Variants in ADGRV1 observed in about 807,000 individuals in gnomAD.
The protein encoded by ADGRV1 is G-protein coupled receptor 98.
ADGRV1 carries 359 observed loss-of-function variants against 596.2 expected under a neutral mutation model. The observed-to-expected ratio is 0.60, with a 90% CI of 0.55 to 0.66. The LOEUF is 0.66. ADGRV1 is among the 30% of genes least tolerant of loss of function. The probability of loss-of-function intolerance (pLI) is 0.00; values close to 1 mark genes in which losing one functional copy is unlikely to be tolerated. For missense variants in ADGRV1, 7,274 were observed against 7,575.6 expected (o/e 0.96, Z 1.48); for synonymous variants, 2,681 against 2,679.2 (o/e 1.00, Z -0.02).
At chr5:90,603,524 C>T (rs897954458) in intron 1 of ADGRV1, among the ~76,000 whole-genome samples, 2 of 152,118 alleles carry the variant, frequency 1.3e-5, no homozygotes, top group African/African-American at 4.8e-5. Flanking sequence ...GGATTCCCTC[C>T]CCTGGGCCTC....
At chr5:90,896,356 A>C (rs1771322379) in intron 83 of ADGRV1, among the ~76,000 whole-genome samples, 1 of 132,904 alleles carries the variant, frequency 7.5e-6, no homozygotes, top group African/African-American at 2.8e-5. Context: ...CTGTGGCCTC[A>C]ACCTCCCGGC....
chr5:90,791,572 C>T (rs2150136906), intron 70 of ADGRV1: 1 of 515,714 alleles, frequency 1.9e-6, no homozygotes, highest in Non-Finnish European at 3.4e-6. Flanking sequence ...AAGTAACAGA[C>T]ACTTATTTAA....
chr5:90,671,628 A>G (rs1438529229), intron 21 of ADGRV1, among the ~76,000 whole-genome samples: 1 of 152,236 alleles, frequency 6.6e-6, no homozygotes. Context: ...AAATGGCTCT[A>G]TCTTATCCTG....
At chr5:91,024,551 G>A (rs538676055) in intron 85 of ADGRV1, among the ~76,000 whole-genome samples, 201 of 152,142 alleles carry the variant, frequency 1.3e-3, no homozygotes, top group African/African-American at 4.8e-3. Context: ...TACACAAAAT[G>A]ATTTAAAAAT....
intron 82 of ADGRV1, among the ~76,000 whole-genome samples, chr5:90,861,876 G>A (rs1767613297): frequency 6.6e-6 from 1 of 152,104 alleles, no homozygotes; most frequent in African/African-American, 2.4e-5. Context: ...CAAGCCAGAT[G>A]AGTTTCCCTA....
At chr5:91,051,572 A>G (rs1168745981) in intron 85 of ADGRV1, among the ~76,000 whole-genome samples, 6 of 119,006 alleles carry the variant, frequency 5.0e-5, no homozygotes, top group East Asian at 5.2e-4. Context: ...TTTGAGGAAG[A>G]GTCTCACTCT....
At chr5:90,770,815 G>A (rs551830176) in intron 59 of ADGRV1, among the ~76,000 whole-genome samples, 12 of 152,070 alleles carry the variant, frequency 7.9e-5, no homozygotes, top group Non-Finnish European at 1.5e-4. Flanking sequence ...AGAGGTAACC[G>A]CTATTGACAG....
Position 90,703,917 on chromosome 5 carries a change from C to A in ADGRV1, c.8286+122C>A. On this transcript the variant is annotated intron_variant, in intron 35 of 89. Coordinates refer to ENST00000405460, the MANE Select transcript of ADGRV1 (RefSeq NM_032119.4). ...CTTTCTCTCTTCTCCAGACCTACTT[C>A]GTATGAATTCTTTGATGATGTATTT... 5.8e-6 allele frequency: 4 copies of A among 692,158 alleles called. No homozygotes were observed. In the South Asian group the frequency reaches 8.4e-5, roughly 15 times the overall value. The allele number at this position is 692,158 out of a possible 1,614,324, so 42.9% of individuals were successfully genotyped here.
intron 86 of ADGRV1, among the ~76,000 whole-genome samples, chr5:91,080,362 C>A (rs770479382): frequency 6.6e-6 from 1 of 152,044 alleles, no homozygotes; most frequent in Non-Finnish European, 1.5e-5. Flanking sequence ...GGCTTAGAAA[C>A]GTTTTCACAT....
intron 1 of ADGRV1, among the ~76,000 whole-genome samples, chr5:90,574,658 G>A (rs1756974162): frequency 6.6e-6 from 1 of 152,146 alleles, no homozygotes; most frequent in Admixed American, 6.5e-5. Flanking sequence ...TAGTTTCAGT[G>A]GGATTGATAT....
intron 85 of ADGRV1, among the ~76,000 whole-genome samples, chr5:91,045,225 G>T (rs1785691732): frequency 6.6e-6 from 1 of 152,026 alleles, no homozygotes; most frequent in Non-Finnish European, 1.5e-5. Flanking sequence ...ACCAGGAAAG[G>T]ACATAACCAA....
rs1178014198 is a variant in ADGRV1 at position 90,750,680 on chromosome 5, T to C, written c.11104T>C (p.Phe3702Leu). Residue 3702 changes from phenylalanine (F) to leucine (L), a missense_variant, in exon 53 of 90, where the codon TTT becomes CTT. By Grantham distance (22) the Phe-to-Leu change is conservative. Coordinates refer to ENST00000405460, the MANE Select transcript of ADGRV1 (RefSeq NM_032119.4). Reference protein sequence around the residue: ...WEADGSISDIFPTSGVILFTE... With the variant: ...WEADGSISDILPTSGVILFTE... The stretch of plus-strand genomic sequence containing the variant: ...AGCTGATGGAAGTATTAGTGATATA[T>C]TTCCTACCTCAGGAGTGGTATGTAA... The C allele has an allele frequency of 6.2e-7, 1 of 1,611,506 alleles. No individual in the cohort carries two copies. The highest frequency in any genetic ancestry group is 8.5e-7 in the Non-Finnish European group (1 of 1,177,912).
rs1300322705 is a variant in ADGRV1 at position 91,113,088 on chromosome 5, C to T, written c.18432+10748C>T. ...CGCATTCACCCACAGGTATTTCCTT[C>T]GTGCAGATCCTGTAGCTCCTCTGTA... On this transcript the variant is annotated intron_variant, in intron 87 of 89. Transcript: ENST00000405460. Among the ~76,000 whole-genome samples the T allele has an allele frequency of 3.3e-5, 5 of 152,258 alleles. No homozygotes were observed. In the East Asian group the frequency reaches 5.8e-4, roughly 18 times the overall value.
chr5:90,729,696 G>C lies in ADGRV1; in HGVS notation c.10481G>C (p.Arg3494Thr). 6.2e-7 allele frequency: 1 copy of C among 1,607,504 alleles called. No individual in the cohort carries two copies. The highest frequency in any genetic ancestry group is 8.5e-7 in the Non-Finnish European group (1 of 1,174,366). ...TGGGAGATGGGACAGTCTTCCTTCA[G>C]GTATTTTCAGTCTGTAGATTTTGCT... Reference protein sequence around the residue: ...FIWEMGQSSFRYFQSVDFAAV... With the variant: ...FIWEMGQSSFTYFQSVDFAAV... The change falls in exon 50 of 90, where the codon AGG becomes ACG. Residue 3494 changes from arginine (R) to threonine (T), a missense_variant. Arg to Thr is a moderately conservative substitution (Grantham distance 71, BLOSUM62 -1). Transcript: ENST00000405460.
intron 76 of ADGRV1, among the ~76,000 whole-genome samples, chr5:90,825,125 C>T (rs1368142580): frequency 1.3e-5 from 2 of 152,148 alleles, no homozygotes; most frequent in African/African-American, 4.8e-5. Context: ...TTAGTAGAGA[C>T]GGGGTTTCAC....
intron 76 of ADGRV1, among the ~76,000 whole-genome samples, chr5:90,826,609 A>G (rs1282107357): frequency 3.9e-5 from 6 of 152,136 alleles, no homozygotes; most frequent in Admixed American, 6.6e-5. Flanking sequence ...TTCATAAGAG[A>G]TGGTGAGTAT....
intron 83 of ADGRV1, among the ~76,000 whole-genome samples, chr5:90,945,148 T>C (rs965957467): frequency 2.0e-5 from 3 of 152,144 alleles, no homozygotes; most frequent in Admixed American, 2.0e-4. Context: ...TGTTTATAAA[T>C]CCAGGCCCTC....
At chr5:91,142,123 A>G (rs1795148297) in intron 87 of ADGRV1, among the ~76,000 whole-genome samples, 1 of 152,202 alleles carries the variant, frequency 6.6e-6, no homozygotes, top group Non-Finnish European at 1.5e-5. Flanking sequence ...TAGTGGTGAT[A>G]GAATTAGAGG....
intron 78 of ADGRV1, among the ~76,000 whole-genome samples, chr5:90,846,784 G>T (rs1765924977): frequency 6.6e-6 from 1 of 152,198 alleles, no homozygotes; most frequent in Non-Finnish European, 1.5e-5. Context: ...GGCTCAGGCA[G>T]CCTGCTTTTA....
Sources: allele counts gnomAD v4.1 joint callset (sites outside exome capture counted in the v4.1 genomes callset), GRCh38; gene constraint gnomAD v4.1.1; transcripts MANE v1.5; gene names NCBI Gene and HGNC (gene_info 2026-07-23, HGNC 2026-07-21).